The following SHANK2 variants were observed in gnomAD, a reference collection of about 807,000 sequenced individuals.
SHANK2 encodes the protein SH3 and multiple ankyrin repeat domains protein 2.
SHANK2 carries 43 observed loss-of-function variants against 133.7 expected under a neutral mutation model. The ratio of observed to expected loss-of-function variants is 0.32; its 90% CI spans 0.25 to 0.41. The LOEUF is 0.41. SHANK2 is among the 10% of genes least tolerant of loss of function. The pLI, the probability that SHANK2 is intolerant of heterozygous loss-of-function variation, is 1.00. For synonymous variants in SHANK2, 1,017 were observed against 952.8 expected (o/e 1.07, Z -1.24); for missense variants, 1,994 against 2,235.8 (o/e 0.89, Z 2.18).
At chr11:70,802,791 A>G (rs1555050821) in intron 13 of SHANK2, among the ~76,000 whole-genome samples, 1 of 152,110 alleles carries the variant, frequency 6.6e-6, no homozygotes, top group African/African-American at 2.4e-5. Context: ...CCCACCCCCC[A>G]GCATTGGCAA....
intron 17 of SHANK2, among the ~76,000 whole-genome samples, chr11:70,591,287 G>T (rs2060317462): frequency 6.6e-6 from 1 of 152,044 alleles, no homozygotes. Flanking sequence ...GGGAGGCAGA[G>T]GTTGCAGTGA....
At chr11:71,084,894 A>G (rs1416081630) in intron 8 of SHANK2, among the ~76,000 whole-genome samples, 1 of 152,202 alleles carries the variant, frequency 6.6e-6, no homozygotes, top group Non-Finnish European at 1.5e-5. Context: ...CTCTGAGGAT[A>G]TAGAATCATA....
At chr11:70,671,527 G>A (rs1392926186) in intron 15 of SHANK2, among the ~76,000 whole-genome samples, 1 of 152,218 alleles carries the variant, frequency 6.6e-6, no homozygotes, top group Non-Finnish European at 1.5e-5. Flanking sequence ...ATTAGCATGT[G>A]AGAATGCACC....
intron 17 of SHANK2, among the ~76,000 whole-genome samples, chr11:70,518,565 T>C (rs782543883): frequency 1.7e-4 from 26 of 152,218 alleles, no homozygotes; most frequent in Admixed American, 3.3e-4. Flanking sequence ...CCATTCCTCT[T>C]TTATCCCTTT....
At chr11:71,078,851 T>G (rs1175193403) in intron 8 of SHANK2, among the ~76,000 whole-genome samples, 1 of 152,282 alleles carries the variant, frequency 6.6e-6, no homozygotes, top group Non-Finnish European at 1.5e-5. Context: ...GAGCTGCTGC[T>G]TTGGGTACAC....
At position 70,526,683 on chromosome 11, in the gene SHANK2, G is replaced by A. The variant is rs1287027126; in HGVS notation, c.2062-23752C>T. On this transcript the variant is annotated intron_variant, in intron 17 of 25. Coordinates refer to ENST00000601538, the MANE Select transcript of SHANK2 (RefSeq NM_012309.5). ...TCCCAGCTGGTCACAATGCCACCTC[G>A]CAGGCGTAACCCTTTACAAAATAAA... Among the ~76,000 whole-genome samples, 5 of 152,180 alleles carry A rather than the reference G, an allele frequency of 3.3e-5. No homozygotes were observed. In the East Asian group the frequency reaches 5.8e-4, roughly 18 times the overall value.
intron 11 of SHANK2, among the ~76,000 whole-genome samples, chr11:70,838,646 T>C (rs1948859233): frequency 6.6e-6 from 1 of 152,158 alleles, no homozygotes; most frequent in Non-Finnish European, 1.5e-5. Context: ...TTCTATACTC[T>C]ATCTCTCCTG....
At chr11:70,867,331 C>G (rs948322188) in intron 11 of SHANK2, among the ~76,000 whole-genome samples, 2 of 152,172 alleles carry the variant, frequency 1.3e-5, no homozygotes, top group African/African-American at 4.8e-5. Flanking sequence ...GGAGAGTGCA[C>G]ACGTCTTGGC....
At chr11:70,912,782 T>C (rs1203999663) in intron 10 of SHANK2, among the ~76,000 whole-genome samples, 3 of 152,190 alleles carry the variant, frequency 2.0e-5, no homozygotes, top group Non-Finnish European at 4.4e-5. Flanking sequence ...GTTTTGGGTA[T>C]GTCTATCAGC....
At chr11:70,753,428 C>CA (rs1364297944) in intron 14 of SHANK2, among the ~76,000 whole-genome samples, 1 of 151,654 alleles carries the variant, frequency 6.6e-6, no homozygotes, top group African/African-American at 2.4e-5. Context: ...CAGCCTGAGT[C>CA]AAAAAAATAG....
chr11:70,881,448 C>G (rs553384173), intron 11 of SHANK2, among the ~76,000 whole-genome samples: 1 of 151,820 alleles, frequency 6.6e-6, no homozygotes, highest in Admixed American at 6.6e-5. Context: ...GTTACAGTGT[C>G]TTATGTCTGT....
chr11:70,532,470 T>C (rs2059486511), intron 17 of SHANK2, among the ~76,000 whole-genome samples: 1 of 152,142 alleles, frequency 6.6e-6, no homozygotes, highest in African/African-American at 2.4e-5. Flanking sequence ...CTCAAGTCTA[T>C]GGGCAGAATT....
rs1321460378 is a variant in SHANK2 at position 71,233,744 on chromosome 11, C to T, written c.-112-8948G>A. ...AGTAGCGAATAACTGAATTACTGAA[C>T]TATTTAAAATGTTGGCCTGCAGGCC... is the stretch of plus-strand genomic sequence containing the variant. On this transcript the variant is annotated intron_variant, in intron 1 of 25. Transcript: ENST00000601538. Among the ~76,000 whole-genome samples, 4 of 152,240 alleles carry T rather than the reference C, an allele frequency of 2.6e-5. No homozygotes were observed. In the East Asian group the frequency reaches 7.7e-4, roughly 29 times the overall value.
intron 14 of SHANK2, among the ~76,000 whole-genome samples, chr11:70,760,679 G>A (rs1434549825): frequency 2.0e-5 from 3 of 152,242 alleles, no homozygotes; most frequent in Non-Finnish European, 4.4e-5. Flanking sequence ...ACAGGGAGCG[G>A]CTCGGGAAGG....
intron 9 of SHANK2, among the ~76,000 whole-genome samples, chr11:71,058,016 T>G (rs1950942827): frequency 1.4e-5 from 2 of 141,930 alleles, no homozygotes; most frequent in Admixed American, 1.4e-4. Context: ...CACCTCAACC[T>G]CCTGAGTACC....
intron 6 of SHANK2, among the ~76,000 whole-genome samples, chr11:71,105,828 C>T (rs1023744199): frequency 1.3e-5 from 2 of 151,808 alleles, no homozygotes; most frequent in East Asian, 3.9e-4. Context: ...ATGTAAGCTC[C>T]GGACTTGAGG....
chr11:71,199,666 C>T (rs1046472894), intron 2 of SHANK2, among the ~76,000 whole-genome samples: 2 of 152,204 alleles, frequency 1.3e-5, no homozygotes, highest in African/African-American at 2.4e-5. Flanking sequence ...AGGACCTGAG[C>T]CCAGTGGATG....
At chr11:70,534,410 A>T (rs1225943987) in intron 17 of SHANK2, among the ~76,000 whole-genome samples, 2 of 152,176 alleles carry the variant, frequency 1.3e-5, no homozygotes, top group African/African-American at 4.8e-5. Flanking sequence ...CCCACAACAC[A>T]TGGGGATTAT....
rs150585204 is a variant in SHANK2 at position 70,510,041 on chromosome 11, C to T, written c.2062-7110G>A. On this transcript the variant is annotated intron_variant, in intron 17 of 25. Coordinates refer to ENST00000601538, the MANE Select transcript of SHANK2 (RefSeq NM_012309.5). ...TTCCGTCTCCCATCCCCTGCAATTA[C>T]ATATATTGTACCAGGCTTGAGATGG... 6.2e-3 allele frequency among the ~76,000 whole-genome samples: 943 copies of T among 152,300 alleles called. 7 individuals carry two copies. Among genetic ancestry groups the T allele is most frequent in the Middle Eastern group, 0.01 (3 of 294 alleles).
Sources: gnomAD v4.1 joint callset for allele counts (sites outside exome capture counted in the v4.1 genomes callset) on GRCh38, gnomAD v4.1.1 for gene constraint, MANE v1.5 for transcripts, NCBI Gene and HGNC (gene_info 2026-07-23, HGNC 2026-07-21) for gene names.